Variants in RAPGEF2 observed in about 807,000 individuals in gnomAD.
RAPGEF2 encodes the protein Rap guanine nucleotide exchange factor 2, also known as PDZ domain containing guanine nucleotide exchange factor (GEF) 1.
Under a neutral mutation model 186.7 loss-of-function variants are expected in RAPGEF2, and 54 were observed. That is an observed-to-expected ratio of 0.29 (90% CI 0.23 to 0.36). RAPGEF2 has a LOEUF of 0.36. Among genes scored for constraint, RAPGEF2 ranks in the 10% least tolerant of loss-of-function variants. The pLI, the probability that RAPGEF2 is intolerant of heterozygous loss-of-function variation, is 1.00. For synonymous variants in RAPGEF2, 712 were observed against 705.9 expected, an observed-to-expected ratio of 1.01 and a Z score of -0.14; for missense variants, 1,532 against 2,045.0, an observed-to-expected ratio of 0.75 and a Z score of 4.84.
chr4:159,342,597 T>TC (rs1729689975), intron 20 of RAPGEF2, among the ~76,000 whole-genome samples: 2 of 147,052 alleles, frequency 1.4e-5, no homozygotes, highest in African/African-American at 5.0e-5. Flanking sequence ...TTTTATTTTA[T>TC]TTTATTTTAT....
intron 28 of RAPGEF2, 82 bp from the exon 29 acceptor site, chr4:159,355,770 GT>G: frequency 7.8e-7 from 1 of 1,274,128 alleles, no homozygotes; most frequent in South Asian, 1.5e-5. Context: ...TGTGGATGCT[GT>G]TTTAGTAATT....
chr4:159,170,837 G>T (rs1745838993), intron 1 of RAPGEF2, among the ~76,000 whole-genome samples: 1 of 147,412 alleles, frequency 6.8e-6, no homozygotes, highest in Non-Finnish European at 1.5e-5. Context: ...ACGGTTCCAG[G>T]TCTTACGTTT....
chr4:159,161,819 A>C (rs1744738220), intron 1 of RAPGEF2, among the ~76,000 whole-genome samples: 2 of 152,240 alleles, frequency 1.3e-5, no homozygotes, highest in South Asian at 4.1e-4. Flanking sequence ...TCCTTGTGTG[A>C]TCAGGTTTGA....
chr4:159,318,195 C>T (rs925493298), intron 9 of RAPGEF2, among the ~76,000 whole-genome samples: 1 of 152,170 alleles, frequency 6.6e-6, no homozygotes, highest in African/African-American at 2.4e-5. Flanking sequence ...AAATCACTAA[C>T]ATTAAACAAG....
intron 1 of RAPGEF2, among the ~76,000 whole-genome samples, chr4:159,164,081 T>C (rs1299142671): frequency 6.6e-6 from 1 of 151,670 alleles, no homozygotes; most frequent in African/African-American, 2.4e-5. Flanking sequence ...CTCAGCTCAC[T>C]GCAAGCTCCA....
chr4:159,201,630 G>A (rs539785625), intron 3 of RAPGEF2, among the ~76,000 whole-genome samples: 1 of 152,298 alleles, frequency 6.6e-6, no homozygotes, highest in Non-Finnish European at 1.5e-5. Flanking sequence ...AGCAAAAATG[G>A]GACCCTGAAC....
chr4:159,125,781 C>A (rs1017150564), intron 1 of RAPGEF2, among the ~76,000 whole-genome samples: 1 of 151,206 alleles, frequency 6.6e-6, no homozygotes, highest in African/African-American at 2.4e-5. Flanking sequence ...AATAATAATT[C>A]GCTGTTATAG....
chr4:159,108,391 T>C lies in RAPGEF2; in HGVS notation c.69+4160T>C, dbSNP rs541151028. 3.1e-3 allele frequency among the ~76,000 whole-genome samples: 468 copies of C among 150,648 alleles called. 1 individual carries two copies. The highest frequency in any genetic ancestry group is 5.4e-3 in the Non-Finnish European group (367 of 67,586). The stretch of plus-strand genomic sequence containing the variant: ...GAATTTCACAGAACTTTCTTTTTTT[T>C]TTTTTTTTTTTTTTTAAGGAGAAGA... On this transcript the variant is annotated intron_variant, in intron 1 of 29. Transcript: ENST00000691494.
intron 29 of RAPGEF2, 48 bp downstream of exon 29, chr4:159,356,206 C>T (rs763492119): frequency 6.5e-7 from 1 of 1,537,304 alleles, no homozygotes; most frequent in South Asian, 1.2e-5. Context: ...GATGTGTTCA[C>T]TTGTGCTGCT....
chr4:159,322,617 TGG>T, intron 10 of RAPGEF2, 134 bp downstream of exon 10: 2 of 674,816 alleles, frequency 3.0e-6, no homozygotes, highest in South Asian at 2.1e-5. Flanking sequence ...TCAAGAATTA[TGG>T]TACACCTGTT....
chr4:159,106,684 T>TG (rs2111047079), intron 1 of RAPGEF2, among the ~76,000 whole-genome samples: 1 of 152,314 alleles, frequency 6.6e-6, no homozygotes, highest in Admixed American at 6.5e-5. Context: ...GGAAAAGAAT[T>TG]GGGGAACATA....
intron 19 of RAPGEF2, among the ~76,000 whole-genome samples, chr4:159,340,563 T>C (rs1276292742): frequency 1.3e-5 from 2 of 152,088 alleles, no homozygotes; most frequent in African/African-American, 2.4e-5. Flanking sequence ...AAAATTTTAG[T>C]AGGGCCCCTA....
At chr4:159,301,308 T>C (rs916529708) in intron 7 of RAPGEF2, among the ~76,000 whole-genome samples, 3 of 152,056 alleles carry the variant, frequency 2.0e-5, no homozygotes, top group Non-Finnish European at 4.4e-5. Flanking sequence ...GGGTGGAAGT[T>C]GCAGTGAGCT....
intron 2 of RAPGEF2, among the ~76,000 whole-genome samples, chr4:159,187,857 C>T (rs1177853318): frequency 6.6e-6 from 1 of 152,072 alleles, no homozygotes; most frequent in South Asian, 2.1e-4. Context: ...AATGCTTTTT[C>T]CATATATTTC....
chr4:159,336,014 A>G (rs1767367076), intron 17 of RAPGEF2, among the ~76,000 whole-genome samples: 1 of 152,090 alleles, frequency 6.6e-6, no homozygotes, highest in African/African-American at 2.4e-5. Context: ...TTGAAAAATA[A>G]AATTCCACTA....
At chr4:159,261,334 T>G (rs544543020) in intron 7 of RAPGEF2, among the ~76,000 whole-genome samples, 1 of 152,280 alleles carries the variant, frequency 6.6e-6, no homozygotes, top group East Asian at 1.9e-4. Flanking sequence ...AGTGCTGGGA[T>G]TACGGGCGTG....
intron 9 of RAPGEF2, among the ~76,000 whole-genome samples, chr4:159,321,093 G>C (rs1343590611): frequency 6.6e-6 from 1 of 151,978 alleles, no homozygotes; most frequent in African/African-American, 2.4e-5. Flanking sequence ...AAGTAATACA[G>C]CTAGTAAGCA....
At chr4:159,118,593 A>T (rs906126545) in intron 1 of RAPGEF2, among the ~76,000 whole-genome samples, 12 of 146,784 alleles carry the variant, frequency 8.2e-5, no homozygotes, top group East Asian at 2.1e-4. Flanking sequence ...TATTATTATT[A>T]TTTTTTTTTG....
chr4:159,277,585 C>G lies in RAPGEF2; in HGVS notation c.544-26757C>G, dbSNP rs190145347. 3.2e-3 allele frequency among the ~76,000 whole-genome samples: 481 copies of G among 152,286 alleles called. 2 individuals are homozygous for G. Among genetic ancestry groups the G allele is most frequent in the Non-Finnish European group, 5.5e-3 (373 of 68,020 alleles). Reference sequence around the variant, plus strand: ...TGTTTCTCCACATCCTCTCCAGCACCTGTTGTTTCCTGACTTTTTAATGAT... The same window carrying G: ...TGTTTCTCCACATCCTCTCCAGCACGTGTTGTTTCCTGACTTTTTAATGAT... On this transcript the variant is annotated intron_variant, in intron 7 of 29. Transcript: ENST00000691494.
Sources: gnomAD v4.1 joint callset for allele counts (sites outside exome capture counted in the v4.1 genomes callset) on GRCh38, gnomAD v4.1.1 for gene constraint, MANE v1.5 for transcripts, NCBI Gene and HGNC (gene_info 2026-07-23, HGNC 2026-07-21) for gene names.